Variants in MYH14 observed in about 807,000 individuals in gnomAD.
MYH14 encodes the protein myosin-14.
In MYH14, 123 loss-of-function variants were observed where a neutral mutation model predicts 255.5. The observed-to-expected ratio is 0.48, with a 90% CI of 0.42 to 0.56. The LOEUF is 0.56. Among genes scored for constraint, MYH14 ranks in the 20% least tolerant of loss-of-function variants. The pLI is 0.00. For missense variants in MYH14, 2,423 were observed against 2,802.3 expected (o/e 0.86, Z 3.06); for synonymous variants, 1,095 against 1,161.2 (o/e 0.94, Z 1.16).
In MYH14 at chr19:50,293,705, C is replaced by T. The variant is rs575965578; in HGVS notation, c.5469+18C>T. Reference sequence around the variant, plus strand: ...TCCTGCAGGTGAGCGTGATTGACCGCCCCCACCAGCCTCAGTCCCCATTGA... The same window carrying T: ...TCCTGCAGGTGAGCGTGATTGACCGTCCCCACCAGCCTCAGTCCCCATTGA... On this transcript the variant is annotated intron_variant, in intron 39 of 42. Transcript: ENST00000642316. This position sits in a 1 kb window ranked among gnomAD's most constrained non-coding sequence, Gnocchi z 4.1. The T allele has an allele frequency of 8.4e-6, 13 of 1,538,632 alleles. No homozygotes were observed. In the East Asian group the frequency reaches 2.5e-4, roughly 29 times the overall value.
intron 10 of MYH14, among the ~76,000 whole-genome samples, chr19:50,236,518 A>G (rs1176315802): frequency 1.3e-5 from 2 of 151,566 alleles, no homozygotes; most frequent in African/African-American, 4.9e-5. Context: ...GACCAGTCTG[A>G]CCAACATGGT....
intron 17 of MYH14, among the ~76,000 whole-genome samples, chr19:50,255,858 A>G (rs2123329261): frequency 6.6e-6 from 1 of 150,684 alleles, no homozygotes; most frequent in Non-Finnish European, 1.5e-5. Context: ...CCCTGCCATG[A>G]CCTGGCCCTG....
chr19:50,221,782 G>A lies in MYH14; in HGVS notation c.563-1301G>A, dbSNP rs4802675. 0.5 allele frequency among the ~76,000 whole-genome samples: 76,291 copies of A among 151,862 alleles called. 21,958 individuals carry two copies. Among genetic ancestry groups the A allele is most frequent in the Non-Finnish European group, 0.64 (43,483 of 67,958 alleles). ...ATGAGCCACTGTGTCCAGCCTAATCGCTGCTTTAAAACCCATCCCACCACT... is the reference window on the plus strand; with the variant it reads ...ATGAGCCACTGTGTCCAGCCTAATCACTGCTTTAAAACCCATCCCACCACT... On this transcript the variant is annotated intron_variant, in intron 3 of 42. Coordinates refer to ENST00000642316, the MANE Select transcript of MYH14 (RefSeq NM_001145809.2). This position sits in a 1 kb window ranked among gnomAD's most constrained non-coding sequence, Gnocchi z 5.3.
chr19:50,210,858 T>C (rs2032159499), intron 2 of MYH14, 88 bp downstream of exon 2: 2 of 1,508,112 alleles, frequency 1.3e-6, no homozygotes, highest in Non-Finnish European at 1.8e-6. Context: ...CTGCATTAAC[T>C]TGAGGCTGTT....
At chr19:50,220,849 G>A (rs1044145078) in intron 3 of MYH14, among the ~76,000 whole-genome samples, 4 of 152,184 alleles carry the variant, frequency 2.6e-5, no homozygotes, top group Admixed American at 2.0e-4. Context: ...CACCATGCCC[G>A]GCCTAATATG....
At chr19:50,303,047 G>A (rs763343380) in intron 40 of MYH14, among the ~76,000 whole-genome samples, 37 of 152,256 alleles carry the variant, frequency 2.4e-4, no homozygotes, top group African/African-American at 4.3e-4. Flanking sequence ...TATTATTTAC[G>A]TAATAACGTG....
At position 50,280,373 on chromosome 19, in the gene MYH14, C is replaced by T. The variant is rs1308239023; in HGVS notation, c.4280C>T (p.Ala1427Val). The T allele has an allele frequency of 6.5e-7, 1 of 1,539,252 alleles. No homozygotes were observed. Among genetic ancestry groups the T allele is most frequent in the Non-Finnish European group, 8.8e-7 (1 of 1,139,910 alleles). The change falls in exon 32 of 43, where the codon GCC becomes GTC. Residue 1427 changes from alanine to valine, a missense_variant. Transcript: ENST00000642316. This position sits in a 1 kb window ranked among gnomAD's most constrained non-coding sequence, Gnocchi z 4.8. Reference sequence around the variant, plus strand: ...CGGGCGGGCCGTGAACTGCAGACTGCCCAGGCCCAGGTGAGCAGCCCTACG... The same window carrying T: ...CGGGCGGGCCGTGAACTGCAGACTGTCCAGGCCCAGGTGAGCAGCCCTACG... ...RERAGRELQT[A>V]QAQLSEWRRR...
In MYH14 at chr19:50,309,157, C is replaced by T. The variant is rs762015938; in HGVS notation, c.5940C>T (p.Thr1980=). Residue 1980 remains threonine, a synonymous_variant, in exon 42 of 43, where the codon ACC becomes ACT. Transcript: ENST00000642316. ...ESAESMNREV[T]TLRNRLRRGP... ...CCGAGTCCATGAACCGTGAAGTGAC[C>T]ACACTGAGGAACCGGCTTCGGTATG... The T allele has an allele frequency of 1.9e-6, 3 of 1,613,692 alleles. No individual in the cohort carries two copies. Among genetic ancestry groups the T allele is most frequent in the African/African-American group, 2.7e-5 (2 of 74,882 alleles).
At chr19:50,225,147 G>A (rs529323797) in intron 6 of MYH14, among the ~76,000 whole-genome samples, 2 of 152,270 alleles carry the variant, frequency 1.3e-5, no homozygotes, top group African/African-American at 4.8e-5. Context: ...TGAAATTCCT[G>A]TTTCCTCCCC....
chr19:50,276,628 T>G lies in MYH14; in HGVS notation c.3681-129T>G. The G allele has an allele frequency of 8.4e-7, 1 of 1,194,208 alleles. No homozygotes were observed. The highest frequency in any genetic ancestry group is 1.2e-6 in the Non-Finnish European group (1 of 827,902). The allele number at this position is 1,194,208 out of a possible 1,614,324, so 74.0% of individuals were successfully genotyped here. On this transcript the variant is annotated intron_variant, in intron 28 of 42. Coordinates refer to ENST00000642316, the MANE Select transcript of MYH14 (RefSeq NM_001145809.2). This position sits in a 1 kb window ranked among gnomAD's most constrained non-coding sequence, Gnocchi z 4.3. ...CTTCCACAGCATCACCACCCAGATC[T>G]CCTGAGGAGCATAACATGAGGCCCT...
At chr19:50,224,277 G>C (rs1303891600) in intron 6 of MYH14, 100 bp downstream of exon 6, 1 of 1,519,702 alleles carries the variant, frequency 6.6e-7, no homozygotes, top group African/African-American at 1.4e-5. Flanking sequence ...GGCAGCAGTG[G>C]TCCCACCTGC....
intron 7 of MYH14, among the ~76,000 whole-genome samples, chr19:50,225,913 C>T (rs2033075791): frequency 3.4e-5 from 1 of 29,236 alleles, no homozygotes; most frequent in African/African-American, 1.5e-4. Flanking sequence ...GCCTGAACCT[C>T]TGGGTCTGAG....
chr19:50,259,548 A>G (rs895973210), intron 19 of MYH14, among the ~76,000 whole-genome samples: 6 of 152,198 alleles, frequency 3.9e-5, no homozygotes, highest in African/African-American at 1.4e-4. Flanking sequence ...TGAACGTGAA[A>G]TCACTGCATG....
intron 24 of MYH14, among the ~76,000 whole-genome samples, chr19:50,269,583 G>A (rs572961494): frequency 6.6e-6 from 1 of 152,282 alleles, no homozygotes; most frequent in South Asian, 2.1e-4. Context: ...GCACCAGACA[G>A]GTGAGGGGGG....
In MYH14 at chr19:50,293,671, G is replaced by T. The variant is rs774682178; in HGVS notation, c.5453G>T (p.Arg1818Leu). The T allele has an allele frequency of 1.3e-6, 2 of 1,586,852 alleles. No homozygotes were observed. The highest frequency in any genetic ancestry group is 2.3e-5 in the South Asian group (2 of 86,864). ...TCGGAGCTGCTCAATGACCGCTACC[G>T]CAAGCTGCTCCTGCAGGTGAGCGTG... ...SNSELLNDRY[R>L]KLLLQVESLT... The change falls in exon 39 of 43, where the codon CGC becomes CTC. Residue 1818 changes from arginine to leucine, a missense_variant. Physicochemically the swap from Arg to Leu is moderately radical, Grantham distance 102. This residue lies in a region of MYH14 where 1,513 missense variants were observed against 1,674.8 expected (regional missense o/e 0.90). Coordinates refer to ENST00000642316, the MANE Select transcript of MYH14 (RefSeq NM_001145809.2). This position sits in a 1 kb window ranked among gnomAD's most constrained non-coding sequence, Gnocchi z 4.1.
At chr19:50,228,481 A>G (rs557299271) in intron 8 of MYH14, among the ~76,000 whole-genome samples, 2 of 152,172 alleles carry the variant, frequency 1.3e-5, no homozygotes, top group African/African-American at 4.8e-5. Flanking sequence ...CAGGGCATGA[A>G]GCAGCCAGCC....
chr19:50,282,557 G>T (rs951053947), intron 33 of MYH14, among the ~76,000 whole-genome samples: 1 of 152,130 alleles, frequency 6.6e-6, no homozygotes, highest in Non-Finnish European at 1.5e-5. Context: ...AAAAAAATTA[G>T]CTGGGCATGG....
rs2035167264 is a variant in MYH14 at position 50,268,296 on chromosome 19, C to T, written c.2962C>T (p.Arg988Cys). ...LELVVSELEA[R>C]VGEEEECSRQ... Reference sequence around the variant, plus strand: ...GCTGGTGGTGTCAGAGCTGGAGGCTCGCGTGGGCGAGGAGGAGGAGTGCAG... The same window carrying T: ...GCTGGTGGTGTCAGAGCTGGAGGCTTGCGTGGGCGAGGAGGAGGAGTGCAG... Residue 988 changes from arginine to cysteine, a missense_variant, in exon 24 of 43, where the codon CGC (arginine) becomes TGC (cysteine). This residue lies in a region of MYH14 where 1,513 missense variants were observed against 1,674.8 expected (regional missense o/e 0.90). Coordinates refer to ENST00000642316, the MANE Select transcript of MYH14 (RefSeq NM_001145809.2). 5 of 1,587,670 alleles carry T rather than the reference C, an allele frequency of 3.1e-6. No individual in the cohort carries two copies. The highest frequency in any genetic ancestry group is 2.3e-5 in the East Asian group (1 of 43,376).
intron 10 of MYH14, among the ~76,000 whole-genome samples, chr19:50,236,450 C>T (rs1288457057): frequency 6.6e-6 from 1 of 152,180 alleles, no homozygotes; most frequent in African/African-American, 2.4e-5. Context: ...TGGCTCACAC[C>T]TGTAATCCCA....
Sources: gnomAD v4.1 joint callset for allele counts (sites outside exome capture counted in the v4.1 genomes callset) on GRCh38, gnomAD v4.1.1 for gene constraint, gnomAD v4.1.1 regional missense constraint, Gnocchi (gnomAD v3.1) non-coding constraint, MANE v1.5 for transcripts, NCBI Gene and HGNC (gene_info 2026-07-23, HGNC 2026-07-21) for gene names.